Variants in PCDH15 observed in about 807,000 individuals in gnomAD.
PCDH15 encodes the protein protocadherin related 15.
A neutral mutation model predicts 178.5 loss-of-function variants in PCDH15; 129 were observed. The ratio of observed to expected loss-of-function variants is 0.72; its 90% confidence interval spans 0.63 to 0.84. PCDH15 has a LOEUF of 0.84. Ranked by LOEUF, PCDH15 falls within the 40% of genes least tolerant of loss-of-function variation. The probability of loss-of-function intolerance (pLI) is 0.00; values close to 1 mark genes in which losing one functional copy is unlikely to be tolerated. For missense variants in PCDH15, 2,230 were observed against 2,099.9 expected (o/e 1.06, Z -1.21); for synonymous variants, 800 against 732.0 (o/e 1.09, Z -1.50).
chr10:54,317,342 C>T lies in PCDH15; in HGVS notation c.805G>A (p.Val269Ile), dbSNP rs2061340191. The change falls in exon 8 of 38, where the codon GTC becomes ATC. Residue 269 changes from valine to isoleucine, a missense_variant. Coordinates refer to ENST00000644397, the MANE Select transcript of PCDH15 (RefSeq NM_001384140.1). Reference sequence around the variant, plus strand: ...CAATCACGAGTGTTTGGCACAAGGACACAAGGAAGAAACATTGGACCCAAG... The same window carrying T: ...CAATCACGAGTGTTTGGCACAAGGATACAAGGAAGAAACATTGGACCCAAG... ...DDLGPMFLPC[V>I]LVPNTRDCRP... The T allele has an allele frequency of 1.2e-6, 2 of 1,613,930 alleles. No homozygotes were observed. Among genetic ancestry groups the T allele is most frequent in the Non-Finnish European group, 1.7e-6 (2 of 1,179,936 alleles).
chr10:54,514,042 T>C (rs1030918613), intron 3 of PCDH15, among the ~76,000 whole-genome samples: 7 of 152,186 alleles, frequency 4.6e-5, no homozygotes, highest in Admixed American at 3.3e-4. Context: ...TCTTTTTATA[T>C]AGGGAATTCT....
At chr10:53,888,309 T>TATATATATATATATATATATATATTTAC (rs59199185) in intron 26 of PCDH15, among the ~76,000 whole-genome samples, 1 of 107,812 alleles carries the variant, frequency 9.3e-6, no homozygotes, top group African/African-American at 3.9e-5. Context: ...TATATATATA[T>TATATATATATATATATATATATATTTAC]GTATATATGT....
Position 54,102,696 on chromosome 10 carries a change from C to T in PCDH15, c.1918-12633G>A, listed in dbSNP as rs185471117. ...ATTTGGCCTTTCCTACCATAAGAGCCCTCCAGTCAGGGAGCCAATGTGGGG... is the reference window on the plus strand; with the variant it reads ...ATTTGGCCTTTCCTACCATAAGAGCTCTCCAGTCAGGGAGCCAATGTGGGG... On this transcript the variant is annotated intron_variant, in intron 15 of 37. Transcript: ENST00000644397. 1.9e-3 allele frequency among the ~76,000 whole-genome samples: 283 copies of T among 152,252 alleles called. 2 individuals carry two copies. The highest frequency in any genetic ancestry group is 6.2e-3 in the African/African-American group (257 of 41,550).
At position 55,272,507 on chromosome 10, in the gene PCDH15, C is replaced by A. The variant is rs1429901933; in HGVS notation, c.-156+47092G>T. Among the ~76,000 whole-genome samples, 12 of 151,718 alleles carry A rather than the reference C, an allele frequency of 7.9e-5. 1 individual carries two copies. Among genetic ancestry groups the A allele is most frequent in the African/African-American group, 2.4e-4 (10 of 41,230 alleles). On this transcript the variant is annotated intron_variant, in intron 1 of 5. Coordinates refer to the PCDH15 transcript ENST00000458638. ...GCAACCCCTGCCTCCTGGGTTCAAG[C>A]GATTCTCCTGCCTACGGACACACAC...
chr10:55,199,546 G>A (rs1840184536), intron 1 of PCDH15, among the ~76,000 whole-genome samples: 3 of 152,198 alleles, frequency 2.0e-5, no homozygotes, highest in Admixed American at 2.0e-4. Flanking sequence ...AATTTCTGGG[G>A]AGAAATTCAA....
At chr10:54,945,761 C>T (rs763761323) in intron 2 of PCDH15, among the ~76,000 whole-genome samples, 8 of 151,610 alleles carry the variant, frequency 5.3e-5, no homozygotes, top group Non-Finnish European at 1.0e-4. Flanking sequence ...AATCTTACCT[C>T]ATCCAGGGGC....
chr10:55,556,848 A>G (rs1280261092), intron 2 of PCDH15, among the ~76,000 whole-genome samples: 1 of 152,150 alleles, frequency 6.6e-6, no homozygotes, highest in African/African-American at 2.4e-5. Flanking sequence ...AAACAAAACA[A>G]AAAAGTTTTT....
chr10:54,091,566 C>T (rs2094601020), intron 15 of PCDH15, among the ~76,000 whole-genome samples: 1 of 152,056 alleles, frequency 6.6e-6, no homozygotes, highest in Admixed American at 6.6e-5. Flanking sequence ...CTCTCTTGGA[C>T]CACAAAAACT....
At chr10:55,249,076 G>A (rs933478798) in intron 1 of PCDH15, among the ~76,000 whole-genome samples, 1 of 152,152 alleles carries the variant, frequency 6.6e-6, no homozygotes, top group Non-Finnish European at 1.5e-5. Context: ...TCATTTGGAA[G>A]TAGATAGATA....
chr10:55,146,563 G>A (rs1001912784), intron 2 of PCDH15, among the ~76,000 whole-genome samples: 6 of 151,780 alleles, frequency 4.0e-5, no homozygotes, highest in East Asian at 1.9e-4. Context: ...TCTGTAACAC[G>A]TGATAATTTG....
chr10:54,988,817 C>T (rs537043554), intron 2 of PCDH15, among the ~76,000 whole-genome samples: 3 of 152,262 alleles, frequency 2.0e-5, no homozygotes, highest in African/African-American at 7.2e-5. Context: ...AAATTCAAGC[C>T]AGCCACGGAA....
intron 25 of PCDH15, among the ~76,000 whole-genome samples, chr10:53,933,508 C>A (rs1193770606): frequency 1.3e-5 from 2 of 151,498 alleles, no homozygotes; most frequent in South Asian, 2.1e-4. Context: ...TGAACTCATC[C>A]TTTTTTATGG....
intron 6 of PCDH15, among the ~76,000 whole-genome samples, chr10:54,340,802 C>T (rs1942085646): frequency 6.6e-6 from 1 of 152,110 alleles, no homozygotes; most frequent in Admixed American, 6.5e-5. Context: ...TCCACATGCA[C>T]AGTGCCTGCT....
At chr10:54,444,795 A>C (rs1405098497) in intron 3 of PCDH15, among the ~76,000 whole-genome samples, 3 of 151,666 alleles carry the variant, frequency 2.0e-5, no homozygotes, top group Non-Finnish European at 4.4e-5. Flanking sequence ...AGTGCCTGGC[A>C]TTTAATAGGA....
chr10:53,900,816 C>T (rs2082286305), intron 26 of PCDH15, among the ~76,000 whole-genome samples: 1 of 152,082 alleles, frequency 6.6e-6, no homozygotes, highest in Non-Finnish European at 1.5e-5. Flanking sequence ...GAAGTAAATC[C>T]CATCAGATAA....
chr10:55,336,595 C>T (rs573413500), intron 2 of PCDH15, among the ~76,000 whole-genome samples: 35 of 152,224 alleles, frequency 2.3e-4, no homozygotes, highest in African/African-American at 2.4e-5. Flanking sequence ...CTATCCTAAA[C>T]GTGGAGGAAA....
chr10:54,121,520 T>C (rs1187677686), intron 15 of PCDH15, among the ~76,000 whole-genome samples: 1 of 152,014 alleles, frequency 6.6e-6, no homozygotes, highest in Non-Finnish European at 1.5e-5. Flanking sequence ...GTTGGTTCTT[T>C]GACAGGATAA....
intron 8 of PCDH15, among the ~76,000 whole-genome samples, chr10:54,258,640 T>G (rs1337517023): frequency 2.0e-5 from 3 of 152,180 alleles, no homozygotes; most frequent in Non-Finnish European, 2.9e-5. Flanking sequence ...TTTAAATTTA[T>G]TTTTGAAACA....
intron 4 of PCDH15, among the ~76,000 whole-genome samples, chr10:54,373,401 G>A (rs554346758): frequency 5.9e-5 from 9 of 151,926 alleles, no homozygotes; most frequent in African/African-American, 1.7e-4. Flanking sequence ...TTTTAGAAAC[G>A]ACTTTTACAT....
Sources: gnomAD v4.1 joint callset for allele counts (sites outside exome capture counted in the v4.1 genomes callset) on GRCh38, gnomAD v4.1.1 for gene constraint, MANE v1.5 for transcripts, NCBI Gene and HGNC (gene_info 2026-07-23, HGNC 2026-07-21) for gene names.